ZNF248: variants seen among roughly 807,000 people sequenced by gnomAD.
The protein encoded by ZNF248 is zinc finger protein 248.
ZNF248 carries 20 observed loss-of-function variants against 44.3 expected under a neutral mutation model. The observed-to-expected ratio is 0.45, with a 90% CI of 0.32 to 0.66. ZNF248 has a LOEUF of 0.66. Among genes scored for constraint, ZNF248 ranks in the 30% least tolerant of loss-of-function variants. The pLI, the probability that ZNF248 is intolerant of heterozygous loss-of-function variation, is 0.04. For missense variants in ZNF248, 654 were observed against 677.0 expected, an observed-to-expected ratio of 0.97 and a Z score of 0.38; for synonymous variants, 224 against 229.0, an observed-to-expected ratio of 0.98 and a Z score of 0.20.
the ZNF248 span, among the ~76,000 whole-genome samples, chr10:37,765,032 C>T: frequency 3.9e-5 from 6 of 151,974 alleles, no homozygotes; most frequent in African/African-American, 9.7e-5. Context: ...GCAATCTTGG[C>T]TCACCGCAAC....
chr10:37,824,518 C>T (rs1421765812), downstream of ZNF248, among the ~76,000 whole-genome samples: 1 of 151,996 alleles, frequency 6.6e-6, no homozygotes, highest in African/African-American at 2.4e-5. Flanking sequence ...CTCTGTAGAT[C>T]ACATGGTACG....
chr10:37,825,407 C>T (rs917803193), downstream of ZNF248, among the ~76,000 whole-genome samples: 2 of 151,996 alleles, frequency 1.3e-5, no homozygotes, highest in Admixed American at 1.3e-4. Context: ...AGAACAGCAC[C>T]CACTGTGACA....
chr10:37,857,647 C>G (rs576178011), upstream of ZNF248: 1 of 152,348 alleles, frequency 6.6e-6, no homozygotes, highest in African/African-American at 2.4e-5. Context: ...AAAAAGCGCA[C>G]ACGCACACAT....
At chr10:37,808,526 C>G (rs1458366951) in intron 6 of ZNF248, among the ~76,000 whole-genome samples, 1 of 152,060 alleles carries the variant, frequency 6.6e-6, no homozygotes, top group Non-Finnish European at 1.5e-5. Context: ...CTCAAGTGAT[C>G]CACCTGCTTT....
chr10:37,799,622 G>C (rs1232345476), intron 6 of ZNF248, among the ~76,000 whole-genome samples: 1 of 152,128 alleles, frequency 6.6e-6, no homozygotes, highest in African/African-American at 2.4e-5. Context: ...TCAGGTGCAA[G>C]GTTAGGATGC....
intron 6 of ZNF248, among the ~76,000 whole-genome samples, chr10:37,776,869 C>T (rs555631476): frequency 6.6e-6 from 1 of 152,288 alleles, no homozygotes; most frequent in South Asian, 2.1e-4. Flanking sequence ...CACCATTTCA[C>T]TTGAACCCTC....
In ZNF248 at chr10:37,790,202, C is replaced by T. The variant is rs543930540; in HGVS notation, c.331-13627G>A. 9.0e-4 allele frequency among the ~76,000 whole-genome samples: 133 copies of T among 147,622 alleles called. 1 individual carries two copies. Among genetic ancestry groups the T allele is most frequent in the African/African-American group, 3.1e-3 (123 of 40,076 alleles). On this transcript the variant is annotated intron_variant, in intron 6 of 6. Transcript: ENST00000615949. ...AGGAGAATGGCGTGAACCCGGGAGGCGGAGCTTGCAGTGAGCCGAGATCGC... is the reference window on the plus strand; with the variant it reads ...AGGAGAATGGCGTGAACCCGGGAGGTGGAGCTTGCAGTGAGCCGAGATCGC...
intron 6 of ZNF248, chr10:37,792,062 G>A (rs2048619671): frequency 6.6e-6 from 1 of 152,204 alleles, no homozygotes; most frequent in Non-Finnish European, 1.5e-5. Flanking sequence ...TACCCATGGA[G>A]GAGGGTGACA....
intron 6 of ZNF248, among the ~76,000 whole-genome samples, chr10:37,779,422 T>A (rs1190232132): frequency 6.6e-6 from 1 of 152,142 alleles, no homozygotes; most frequent in Admixed American, 6.5e-5. Flanking sequence ...ACCACATGAT[T>A]ATCTCAATAG....
chr10:37,789,160 C>T (rs572976485), intron 6 of ZNF248, among the ~76,000 whole-genome samples: 2 of 151,970 alleles, frequency 1.3e-5, no homozygotes, highest in African/African-American at 2.4e-5. Flanking sequence ...AGCATATTGG[C>T]GTGAAGGAAT....
intron 6 of ZNF248, among the ~76,000 whole-genome samples, chr10:37,790,741 T>TA (rs202122764): frequency 5.2e-4 from 77 of 149,382 alleles, no homozygotes; most frequent in African/African-American, 1.6e-3. Context: ...AATAATTTTT[T>TA]AAAAAAATAA....
In ZNF248 at chr10:37,833,119, A is replaced by G. The variant is rs570414472; in HGVS notation, c.239-3T>C. 6.4e-7 allele frequency: 1 copy of G among 1,571,040 alleles called. No individual in the cohort carries two copies. Among genetic ancestry groups the G allele is most frequent in the African/African-American group, 1.4e-5 (1 of 72,652 alleles). On this transcript the variant is annotated splice_polypyrimidine_tract_variant and splice_region_variant and intron_variant, in intron 5 of 5. Coordinates refer to ENST00000395867, the MANE Select transcript of ZNF248 (RefSeq NM_021045.3). Reference sequence around the variant, plus strand: ...GTCATCAACTTTCCATTTCCTTTCTAGAAATGAGAAAAATAACCACATCTT... The same window carrying G: ...GTCATCAACTTTCCATTTCCTTTCTGGAAATGAGAAAAATAACCACATCTT...
At chr10:37,849,716 A>G (rs1020114656) in intron 3 of ZNF248, among the ~76,000 whole-genome samples, 18 of 152,086 alleles carry the variant, frequency 1.2e-4, no homozygotes, top group Admixed American at 2.0e-4. Context: ...GAACCCTTAA[A>G]GATGTTTTAG....
Position 37,832,314 on chromosome 10 carries a change from C to A in ZNF248, c.1041G>T (p.Met347Ile), listed in dbSNP as rs200254634. 2.4e-4 allele frequency: 381 copies of A among 1,613,938 alleles called. No homozygotes were observed. The highest frequency in any genetic ancestry group is 3.2e-4 in the Admixed American group (19 of 59,976). ...CATTGTAATCATAAGACTTTCCCCC[C>A]ATGTGTACTATTTGATGTTTTAAGA... Reference protein sequence around the residue: ...SALLKHQIVHMGGKSYDYNEN... With the variant: ...SALLKHQIVHIGGKSYDYNEN... The change falls in exon 6 of 6, where the codon ATG becomes ATT. Residue 347 changes from methionine to isoleucine, a missense_variant. Met to Ile is a conservative substitution (Grantham distance 10, BLOSUM62 1). Coordinates refer to ENST00000395867, the MANE Select transcript of ZNF248 (RefSeq NM_021045.3).
chr10:37,786,259 T>C (rs1224886668), intron 6 of ZNF248, among the ~76,000 whole-genome samples: 2 of 152,232 alleles, frequency 1.3e-5, no homozygotes, highest in African/African-American at 2.4e-5. Flanking sequence ...CCTTCTACTC[T>C]GGAAAAACAG....
At chr10:37,853,472 G>A (rs898200786) in intron 3 of ZNF248, among the ~76,000 whole-genome samples, 2 of 152,106 alleles carry the variant, frequency 1.3e-5, no homozygotes, top group Admixed American at 6.5e-5. Context: ...CTTCCTCCCA[G>A]GTTCACTCCA....
At chr10:37,848,364 G>A (rs1407302933) in intron 3 of ZNF248, among the ~76,000 whole-genome samples, 1 of 151,948 alleles carries the variant, frequency 6.6e-6, no homozygotes, top group African/African-American at 2.4e-5. Flanking sequence ...TGGACAGATC[G>A]CCTGAGCTCA....
At chr10:37,785,130 G>T (rs985833894) in intron 6 of ZNF248, among the ~76,000 whole-genome samples, 2 of 152,156 alleles carry the variant, frequency 1.3e-5, no homozygotes, top group African/African-American at 4.8e-5. Flanking sequence ...GGTTCCATCT[G>T]TTGTCCTTCA....
At chr10:37,781,198 C>A (rs1442669186) in intron 6 of ZNF248, among the ~76,000 whole-genome samples, 1 of 152,144 alleles carries the variant, frequency 6.6e-6, no homozygotes, top group Non-Finnish European at 1.5e-5. Flanking sequence ...CTGGGTGGCT[C>A]AGGTCCCATC....
Sources: allele counts gnomAD v4.1 joint callset (sites outside exome capture counted in the v4.1 genomes callset), GRCh38; gene constraint gnomAD v4.1.1; transcripts MANE v1.5; gene names NCBI Gene and HGNC (gene_info 2026-07-23, HGNC 2026-07-21).